TMEM232: variants seen among roughly 807,000 people sequenced by gnomAD.
The protein encoded by TMEM232 is transmembrane protein 232.
A neutral mutation model predicts 78.8 loss-of-function variants in TMEM232; 80 were observed. The observed-to-expected ratio is 1.01, with a 90% CI of 0.85 to 1.22. The LOEUF is 1.22. TMEM232 is among the 50% of genes most tolerant of loss of function. The probability of loss-of-function intolerance (pLI) is 0.00; values close to 1 mark genes in which losing one functional copy is unlikely to be tolerated. For missense variants in TMEM232, 881 were observed against 742.2 expected, an observed-to-expected ratio of 1.19 and a Z score of -2.17; for synonymous variants, 297 against 254.3, an observed-to-expected ratio of 1.17 and a Z score of -1.60.
intron 1 of TMEM232, among the ~76,000 whole-genome samples, chr5:110,723,989 G>A (rs1797913776): frequency 6.6e-6 from 1 of 152,154 alleles, no homozygotes; most frequent in Non-Finnish European, 1.5e-5. Flanking sequence ...CAGAAGCCTG[G>A]AACATTTATG....
intron 12 of TMEM232, among the ~76,000 whole-genome samples, chr5:110,434,670 A>G (rs1758226073): frequency 6.6e-6 from 1 of 152,124 alleles, no homozygotes; most frequent in South Asian, 2.1e-4. Flanking sequence ...ACTACAGACT[A>G]ATATCTCTGA....
intron 5 of TMEM232, chr5:110,387,434 G>T (rs1469349852): frequency 6.6e-6 from 1 of 152,122 alleles, no homozygotes; most frequent in Non-Finnish European, 1.5e-5. Context: ...GGAAAGATTA[G>T]ATATCATAGA....
At chr5:110,706,645 A>G (rs1194769100) in intron 1 of TMEM232, among the ~76,000 whole-genome samples, 1 of 152,160 alleles carries the variant, frequency 6.6e-6, no homozygotes, top group African/African-American at 2.4e-5. Context: ...AATTATTAAA[A>G]GTACATCACA....
chr5:110,535,344 C>A (rs560800159), intron 11 of TMEM232, among the ~76,000 whole-genome samples: 95 of 151,608 alleles, frequency 6.3e-4, no homozygotes, highest in Non-Finnish European at 1.1e-3. Context: ...CTCCTGCCTG[C>A]CAGAGAACAA....
At chr5:110,585,052 T>C (rs964108362) in intron 10 of TMEM232, among the ~76,000 whole-genome samples, 12 of 152,156 alleles carry the variant, frequency 7.9e-5, no homozygotes, top group African/African-American at 2.9e-4. Flanking sequence ...CTGAATGGAA[T>C]ACTTTGTATT....
intron 11 of TMEM232, among the ~76,000 whole-genome samples, chr5:110,555,882 G>A (rs2149634030): frequency 6.6e-6 from 1 of 152,170 alleles, no homozygotes; most frequent in South Asian, 2.1e-4. Flanking sequence ...TGAACCTATA[G>A]GTATCCTTGC....
intron 1 of TMEM232, among the ~76,000 whole-genome samples, chr5:110,689,509 C>T (rs1793830841): frequency 6.6e-6 from 1 of 152,054 alleles, no homozygotes; most frequent in Admixed American, 6.6e-5. Context: ...GCTTTAGAAA[C>T]CCTTGGACAA....
intron 2 of TMEM232, among the ~76,000 whole-genome samples, chr5:110,649,794 A>C (rs1788038590): frequency 1.3e-5 from 2 of 152,064 alleles, no homozygotes; most frequent in Admixed American, 1.3e-4. Context: ...TTTACTTATT[A>C]AGCTTTTTTG....
chr5:110,551,714 A>G (rs964050453), intron 11 of TMEM232, among the ~76,000 whole-genome samples: 1 of 152,338 alleles, frequency 6.6e-6, no homozygotes, highest in East Asian at 1.9e-4. Context: ...TCTTATTAAC[A>G]TTTCTAAAAG....
At chr5:110,640,799 C>A (rs1786575710) in intron 4 of TMEM232, 92 bp downstream of exon 4, 2 of 866,204 alleles carry the variant, frequency 2.3e-6, no homozygotes, top group Non-Finnish European at 3.2e-6. Context: ...TTGTCTTCTG[C>A]ACAATTTTTA....
chr5:110,582,538 G>GA (rs986302589), intron 10 of TMEM232, among the ~76,000 whole-genome samples: 2 of 151,826 alleles, frequency 1.3e-5, no homozygotes, highest in African/African-American at 4.8e-5. Flanking sequence ...GGCAGTGGCT[G>GA]AAATACTAAT....
intron 12 of TMEM232, among the ~76,000 whole-genome samples, chr5:110,440,924 A>G (rs1170560516): frequency 6.6e-6 from 1 of 152,174 alleles, no homozygotes; most frequent in Non-Finnish European, 1.5e-5. Context: ...GCAGTTCAAT[A>G]GAAGCTTGCC....
chr5:110,577,262 A>G (rs1777673430), intron 10 of TMEM232, among the ~76,000 whole-genome samples: 1 of 152,170 alleles, frequency 6.6e-6, no homozygotes, highest in Non-Finnish European at 1.5e-5. Context: ...GCTAACAATC[A>G]TATTTTAAAA....
chr5:110,716,585 G>A (rs1022092573), intron 1 of TMEM232, among the ~76,000 whole-genome samples: 2 of 152,124 alleles, frequency 1.3e-5, no homozygotes, highest in Admixed American at 1.3e-4. Flanking sequence ...CTGCTGATCT[G>A]ACAGGAGGTA....
chr5:110,587,880 T>TA (rs150688037), intron 10 of TMEM232, among the ~76,000 whole-genome samples: 6,343 of 151,626 alleles, frequency 0.042, 430 homozygotes, highest in African/African-American at 0.15. Flanking sequence ...AGTGATACTA[T>TA]ACTTTTAGAT....
intron 12 of TMEM232, among the ~76,000 whole-genome samples, chr5:110,521,586 T>C (rs927601517): frequency 1.3e-4 from 20 of 152,224 alleles, no homozygotes; most frequent in African/African-American, 4.8e-4. Flanking sequence ...TAGAGTTTCA[T>C]GTCTTACTTA....
At chr5:110,640,007 C>A (rs1318864146) in intron 4 of TMEM232, among the ~76,000 whole-genome samples, 1 of 152,216 alleles carries the variant, frequency 6.6e-6, no homozygotes, top group Non-Finnish European at 1.5e-5. Context: ...CTGATTTAGA[C>A]CATCCATGAT....
At chr5:110,718,406 T>G (rs545767965) in intron 1 of TMEM232, among the ~76,000 whole-genome samples, 16 of 152,262 alleles carry the variant, frequency 1.1e-4, no homozygotes, top group African/African-American at 3.8e-4. Context: ...TGGATAGCTG[T>G]TAATCTTATT....
chr5:110,675,457 AC>A (rs1168481934), intron 1 of TMEM232, among the ~76,000 whole-genome samples: 3 of 152,188 alleles, frequency 2.0e-5, no homozygotes, highest in Admixed American at 6.5e-5. Flanking sequence ...GCTGGGAAAT[AC>A]TGACTCCAGC....
Sources: gnomAD v4.1 joint callset for allele counts (sites outside exome capture counted in the v4.1 genomes callset) on GRCh38, gnomAD v4.1.1 for gene constraint, MANE v1.5 for transcripts, NCBI Gene and HGNC (gene_info 2026-07-23, HGNC 2026-07-21) for gene names.